The following TBC1D22A variants were observed in gnomAD, a reference collection of about 807,000 sequenced individuals.
The protein encoded by TBC1D22A is TBC1 domain family member 22A.
TBC1D22A carries 38 observed loss-of-function variants against 60.2 expected under a neutral mutation model. That is an observed-to-expected ratio of 0.63 (90% CI 0.49 to 0.83). TBC1D22A has a LOEUF of 0.83. TBC1D22A is among the 40% of genes least tolerant of loss of function. The pLI, the probability that TBC1D22A is intolerant of heterozygous loss-of-function variation, is 0.00. For missense variants in TBC1D22A, 628 were observed against 701.0 expected (o/e 0.90, Z 1.18); for synonymous variants, 302 against 281.7 (o/e 1.07, Z -0.72).
intron 1 of TBC1D22A, among the ~76,000 whole-genome samples, chr22:46,771,419 T>C (rs780321124): frequency 5.3e-5 from 8 of 152,062 alleles, no homozygotes; most frequent in Non-Finnish European, 1.2e-4. Flanking sequence ...ATTTGTGAGA[T>C]TTGGGTGCAC....
chr22:47,164,384 C>T (rs2068114536), intron 12 of TBC1D22A, among the ~76,000 whole-genome samples: 1 of 152,258 alleles, frequency 6.6e-6, no homozygotes, highest in African/African-American at 2.4e-5. Flanking sequence ...AGGGCAGCCC[C>T]TCGTCACCTG....
chr22:47,043,035 G>A (rs897914016), intron 11 of TBC1D22A, among the ~76,000 whole-genome samples: 1 of 152,172 alleles, frequency 6.6e-6, no homozygotes. Context: ...CGCCTGCTCC[G>A]GGTTGGGCCC....
At chr22:47,139,620 C>T (rs1233409811) in intron 12 of TBC1D22A, among the ~76,000 whole-genome samples, 1 of 152,214 alleles carries the variant, frequency 6.6e-6, no homozygotes, top group Non-Finnish European at 1.5e-5. Flanking sequence ...AGGAGAGGGA[C>T]CGCCATTCCT....
intron 8 of TBC1D22A, among the ~76,000 whole-genome samples, chr22:46,947,829 C>T (rs1045206518): frequency 3.3e-5 from 5 of 152,192 alleles, no homozygotes; most frequent in Non-Finnish European, 5.9e-5. Flanking sequence ...GTTCAGTAGT[C>T]TGCCTGTTCT....
chr22:47,086,539 T>C (rs1217882148), intron 11 of TBC1D22A, among the ~76,000 whole-genome samples: 3 of 152,230 alleles, frequency 2.0e-5, no homozygotes, highest in Non-Finnish European at 4.4e-5. Context: ...TTTGTGTTGT[T>C]TCTTACAACT....
At chr22:46,775,702 A>G (rs2083675919) in intron 1 of TBC1D22A, among the ~76,000 whole-genome samples, 1 of 152,190 alleles carries the variant, frequency 6.6e-6, no homozygotes, top group African/African-American at 2.4e-5. Flanking sequence ...CAGCTTGTGC[A>G]TCAGCCAGAT....
At chr22:47,068,675 A>G (rs2063859211) in intron 11 of TBC1D22A, among the ~76,000 whole-genome samples, 1 of 152,256 alleles carries the variant, frequency 6.6e-6, no homozygotes, top group South Asian at 2.1e-4. Flanking sequence ...ATTGATGAAT[A>G]TCTGTGGAAA....
At chr22:46,945,703 T>TCCC (rs937363306) in intron 8 of TBC1D22A, among the ~76,000 whole-genome samples, 2 of 152,092 alleles carry the variant, frequency 1.3e-5, no homozygotes, top group Non-Finnish European at 2.9e-5. Flanking sequence ...GGAGCAGGGT[T>TCCC]CCCCCCTGGT....
chr22:46,900,796 C>T (rs59949700), intron 7 of TBC1D22A, among the ~76,000 whole-genome samples: 1,692 of 152,284 alleles, frequency 0.011, 27 homozygotes, highest in African/African-American at 0.039. Flanking sequence ...CACCCGTTGA[C>T]GGACACTGGA....
chr22:47,031,838 G>A lies in TBC1D22A; in HGVS notation c.1202-5233G>A, dbSNP rs1016567664. Among the ~76,000 whole-genome samples, 11 of 152,162 alleles carry A rather than the reference G, an allele frequency of 7.2e-5. No individual in the cohort carries two copies. In the East Asian group the frequency reaches 1.9e-3, roughly 27 times the overall value. On this transcript the variant is annotated intron_variant, in intron 10 of 12. Transcript: ENST00000337137. ...CCGGCCATTGCACTCTGGCTGGAACGGGCTCCTTCTCCTCAAGTCAGCGTC... is the reference window on the plus strand; with the variant it reads ...CCGGCCATTGCACTCTGGCTGGAACAGGCTCCTTCTCCTCAAGTCAGCGTC...
intron 10 of TBC1D22A, among the ~76,000 whole-genome samples, chr22:47,017,253 A>G (rs2061939504): frequency 6.6e-6 from 1 of 152,190 alleles, no homozygotes; most frequent in Non-Finnish European, 1.5e-5. Context: ...ATTTTGTATG[A>G]AAGTCACATG....
intron 4 of TBC1D22A, among the ~76,000 whole-genome samples, chr22:46,818,330 A>G (rs746050578): frequency 6.6e-6 from 1 of 152,176 alleles, no homozygotes. Flanking sequence ...GCCCATGCCT[A>G]TGTCCTGAAT....
chr22:46,889,674 T>G (rs938386875), intron 5 of TBC1D22A, among the ~76,000 whole-genome samples: 6 of 152,180 alleles, frequency 3.9e-5, no homozygotes, highest in Non-Finnish European at 8.8e-5. Context: ...AAATCACAGC[T>G]GATTCACGTA....
At position 47,023,817 on chromosome 22, in the gene TBC1D22A, C is replaced by T. The variant is rs111306021; in HGVS notation, c.1202-13254C>T. 1.9e-4 allele frequency among the ~76,000 whole-genome samples: 29 copies of T among 152,256 alleles called. No homozygotes were observed. The East Asian group carries it at 1.9e-3, about 10-fold the overall frequency. ...CTAAAGGAATTCGACACCAGGAGAC[C>T]GGGATACCTGCATGACAAGCAATAG... On this transcript the variant is annotated intron_variant, in intron 10 of 12. Transcript: ENST00000337137.
chr22:47,089,213 A>C (rs2064819607), intron 11 of TBC1D22A, among the ~76,000 whole-genome samples: 1 of 152,232 alleles, frequency 6.6e-6, no homozygotes, highest in Non-Finnish European at 1.5e-5. Flanking sequence ...GATCACATTA[A>C]GGAATCATGG....
intron 1 of TBC1D22A, among the ~76,000 whole-genome samples, chr22:46,782,254 C>G (rs1198114963): frequency 6.6e-6 from 1 of 152,214 alleles, no homozygotes; most frequent in East Asian, 1.9e-4. Context: ...GAGGTTTCAC[C>G]ATGTTGGCCA....
chr22:46,898,533 A>AT (rs5845770), intron 7 of TBC1D22A, among the ~76,000 whole-genome samples: 15,425 of 151,356 alleles, frequency 0.1, 1,218 homozygotes, highest in African/African-American at 0.23. Context: ...GTGAATCTGC[A>AT]TTTTTTTTTT....
At chr22:46,791,845 C>T (rs1193371392) in intron 1 of TBC1D22A, among the ~76,000 whole-genome samples, 1 of 152,226 alleles carries the variant, frequency 6.6e-6, no homozygotes, top group East Asian at 1.9e-4. Context: ...ACTGCAACCT[C>T]CGCCTCCAGG....
chr22:47,135,986 T>C (rs2066856444), intron 12 of TBC1D22A, among the ~76,000 whole-genome samples: 2 of 152,180 alleles, frequency 1.3e-5, no homozygotes, highest in Admixed American at 6.5e-5. Context: ...GGACACCGGT[T>C]GAGGAGGCAG....
Sources: gnomAD v4.1 joint callset for allele counts (sites outside exome capture counted in the v4.1 genomes callset) on GRCh38, gnomAD v4.1.1 for gene constraint, MANE v1.5 for transcripts, NCBI Gene and HGNC (gene_info 2026-07-23, HGNC 2026-07-21) for gene names.